Variants in MYO16 observed in about 807,000 individuals in gnomAD.
MYO16 encodes unconventional myosin-XVI.
A neutral mutation model predicts 205.3 loss-of-function variants in MYO16; 94 were observed. The observed-to-expected ratio is 0.46, with a 90% CI of 0.39 to 0.54. The LOEUF (loss-of-function observed/expected upper bound fraction) is 0.54. Among genes scored for constraint, MYO16 ranks in the 20% least tolerant of loss-of-function variants. The probability of loss-of-function intolerance (pLI) is 0.00; values close to 1 mark genes in which losing one functional copy is unlikely to be tolerated. For missense variants in MYO16, 2,315 were observed against 2,387.5 expected, an observed-to-expected ratio of 0.97 and a Z score of 0.63; for synonymous variants, 988 against 954.0, an observed-to-expected ratio of 1.04 and a Z score of -0.66.
chr13:109,002,893 G>C (rs1885263995), intron 21 of MYO16, among the ~76,000 whole-genome samples: 1 of 152,086 alleles, frequency 6.6e-6, no homozygotes, highest in Non-Finnish European at 1.5e-5. Context: ...GGTTTGTGGG[G>C]TACATTTTTT....
chr13:108,643,838 G>A (rs183339496), intron 1 of MYO16, among the ~76,000 whole-genome samples: 9 of 152,306 alleles, frequency 5.9e-5, no homozygotes, highest in African/African-American at 2.2e-4. Flanking sequence ...ACTTAGGACT[G>A]GGATTTCCCT....
intron 4 of MYO16, among the ~76,000 whole-genome samples, chr13:108,758,395 G>T (rs1885491701): frequency 2.0e-5 from 3 of 152,042 alleles, no homozygotes; most frequent in South Asian, 4.1e-4. Context: ...AGAATATTTT[G>T]CCACCAGTGA....
rs1215801091 is a variant in MYO16, at chr13:108,655,953, C to T, written c.29-9933C>T. Reference sequence around the variant, plus strand: ...ACTAGCTTGCTTTCGATTTTACAGGCTCATAGGCATAAGGGACTTGCCTTG... The same window carrying T: ...ACTAGCTTGCTTTCGATTTTACAGGTTCATAGGCATAAGGGACTTGCCTTG... On this transcript the variant is annotated intron_variant, in intron 1 of 34. Coordinates refer to ENST00000457511, the MANE Select transcript of MYO16 (RefSeq NM_001198950.3). 2.6e-5 allele frequency among the ~76,000 whole-genome samples: 4 copies of T among 152,116 alleles called. No individual in the cohort carries two copies. In the South Asian group the frequency reaches 8.3e-4, roughly 32 times the overall value.
chr13:108,706,696 G>T (rs2139533185), intron 2 of MYO16, among the ~76,000 whole-genome samples: 1 of 152,290 alleles, frequency 6.6e-6, no homozygotes, highest in South Asian at 2.1e-4. Flanking sequence ...TGTTTCATTT[G>T]TCATAACTGC....
chr13:109,011,603 C>T (rs2139487991), intron 22 of MYO16, among the ~76,000 whole-genome samples: 1 of 151,628 alleles, frequency 6.6e-6, no homozygotes, highest in African/African-American at 2.4e-5. Flanking sequence ...CAGCCTCTGC[C>T]TCCTGGGTTC....
chr13:109,159,442 AAG>A (rs56069719), intron 32 of MYO16, among the ~76,000 whole-genome samples: 33,443 of 152,122 alleles, frequency 0.22, 3,781 homozygotes, highest in African/African-American at 0.28. Flanking sequence ...TCCTTTCAGA[AAG>A]AGAATTTCTA....
intron 6 of MYO16, among the ~76,000 whole-genome samples, chr13:108,802,587 T>G (rs9514916): frequency 0.65 from 98,439 of 152,018 alleles, 33,365 homozygotes; most frequent in East Asian, 0.77. Context: ...CCTTAGGATA[T>G]ATACCAGAGT....
intron 1 of MYO16, among the ~76,000 whole-genome samples, chr13:108,658,198 GTTTGTT>G (rs1166468406): frequency 6.6e-6 from 1 of 152,006 alleles, no homozygotes; most frequent in Non-Finnish European, 1.5e-5. Context: ...CATTTTGTTT[GTTTGTT>G]TTTATTTCTG....
intron 24 of MYO16, among the ~76,000 whole-genome samples, chr13:109,048,151 ATATGTGTGTGTGTGTGTG>A (rs1469515273): frequency 2.9e-5 from 3 of 105,188 alleles, no homozygotes; most frequent in Non-Finnish European, 5.5e-5. Flanking sequence ...TGTTAATAGG[ATATGTGTGTGTGTGTGTG>A]TGTGTGTGTG....
intron 12 of MYO16, among the ~76,000 whole-genome samples, chr13:108,867,634 T>A (rs1012683257): frequency 6.6e-6 from 1 of 152,244 alleles, no homozygotes. Context: ...TCTTTCACTT[T>A]GTGAGTCCTA....
At chr13:108,957,383 C>A (rs866924350) in intron 16 of MYO16, among the ~76,000 whole-genome samples, 237 of 96,862 alleles carry the variant, frequency 2.4e-3, no homozygotes, top group Middle Eastern at 6.1e-3. Flanking sequence ...AACTCCATCT[C>A]AAAAAAAAAA....
chr13:108,768,190 T>C (rs1294793637), intron 4 of MYO16, among the ~76,000 whole-genome samples: 2 of 152,192 alleles, frequency 1.3e-5, no homozygotes, highest in Non-Finnish European at 2.9e-5. Context: ...GTTTGAATCT[T>C]TTCCTACCGC....
At chr13:108,937,558 C>A (rs1252012914) in intron 16 of MYO16, among the ~76,000 whole-genome samples, 1 of 152,156 alleles carries the variant, frequency 6.6e-6, no homozygotes, top group Admixed American at 6.5e-5. Context: ...AGGCGTTGCT[C>A]ATTTTTTAAA....
rs1878315369 is a variant in MYO16 at position 109,160,289 on chromosome 13, A to AT, written c.5165-4606dup. On this transcript the variant is annotated intron_variant, in intron 32 of 34. Transcript: ENST00000457511. ...ATAAAAACTAGCACAAGACAACCGA[A>AT]TTTTTTGTATCAACATTTAGAGATT... 2.0e-5 allele frequency among the ~76,000 whole-genome samples: 3 copies of AT among 152,320 alleles called. No individual in the cohort carries two copies. In the South Asian group the frequency reaches 6.2e-4, roughly 32 times the overall value.
rs554301611 is a variant in MYO16 at position 108,701,645 on chromosome 13, A to G, written c.293-11016A>G. ...CAAACTAAAAAACATAGTTGTCAAC[A>G]AAAAATTATGAGATATTCAAATAAA... is the stretch of plus-strand genomic sequence containing the variant. On this transcript the variant is annotated intron_variant, in intron 2 of 34. Transcript: ENST00000457511. 2.0e-5 allele frequency among the ~76,000 whole-genome samples: 3 copies of G among 152,366 alleles called. No individual in the cohort carries two copies. The South Asian group carries it at 6.2e-4, about 32-fold the overall frequency.
At chr13:108,652,159 G>GCA (rs1009051362) in intron 1 of MYO16, among the ~76,000 whole-genome samples, 1 of 151,154 alleles carries the variant, frequency 6.6e-6, no homozygotes, top group African/African-American at 2.4e-5. Context: ...GTGTGTGCGC[G>GCA]CGCGCGCATG....
intron 19 of MYO16, 83 bp downstream of exon 19, chr13:108,962,578 G>A: frequency 1.0e-6 from 1 of 988,158 alleles, no homozygotes; most frequent in Non-Finnish European, 1.5e-6. Flanking sequence ...TCCCCACTTA[G>A]TGAAACTATT....
chr13:108,642,997 T>C (rs952476345), intron 1 of MYO16, among the ~76,000 whole-genome samples: 6 of 152,148 alleles, frequency 3.9e-5, no homozygotes, highest in African/African-American at 1.4e-4. Context: ...TTTTGTTAAG[T>C]CAGGTTTATG....
At chr13:108,857,066 C>T (rs934648539) in intron 11 of MYO16, among the ~76,000 whole-genome samples, 1 of 152,148 alleles carries the variant, frequency 6.6e-6, no homozygotes, top group Admixed American at 6.5e-5. Flanking sequence ...CGCCTGCCTT[C>T]CTGCATCAAG....
Sources: allele counts gnomAD v4.1 joint callset (sites outside exome capture counted in the v4.1 genomes callset), GRCh38; gene constraint gnomAD v4.1.1; transcripts MANE v1.5; gene names NCBI Gene and HGNC (gene_info 2026-07-23, HGNC 2026-07-21).